EPRS1: variants seen among roughly 807,000 people sequenced by gnomAD.
EPRS1 encodes glutamyl-prolyl-tRNA synthetase 1, also known as bifunctional glutamate/proline--tRNA ligase.
In EPRS1, 107 loss-of-function variants were observed where a neutral mutation model predicts 188.3. The observed-to-expected ratio is 0.57, with a 90% CI of 0.49 to 0.67. The LOEUF is 0.67. Among genes scored for constraint, EPRS1 ranks in the 30% least tolerant of loss-of-function variants. The pLI is 0.00. For missense variants in EPRS1, 1,577 were observed against 1,802.2 expected, an observed-to-expected ratio of 0.88 and a Z score of 2.26; for synonymous variants, 596 against 593.1, an observed-to-expected ratio of 1.00 and a Z score of -0.07.
At chr1:219,982,530 A>G (rs1412210408) in intron 23 of EPRS1, 2 of 328,426 alleles carry the variant, frequency 6.1e-6, no homozygotes, top group Non-Finnish European at 1.1e-5. Context: ...AAAAATTTAC[A>G]GCATAAAAAT....
At chr1:220,001,799 C>A (rs778768354) in intron 16 of EPRS1, among the ~76,000 whole-genome samples, 4 of 152,118 alleles carry the variant, frequency 2.6e-5, no homozygotes, top group Non-Finnish European at 5.9e-5. Context: ...GAGGCCAAGG[C>A]GGGTGGATTG....
At chr1:219,970,357 G>C (rs978476913) in intron 30 of EPRS1, among the ~76,000 whole-genome samples, 24 of 152,172 alleles carry the variant, frequency 1.6e-4, no homozygotes, top group African/African-American at 4.8e-4. Context: ...GGCAGTAACA[G>C]CAACATGCTT....
intron 12 of EPRS1, among the ~76,000 whole-genome samples, chr1:220,015,379 C>T (rs1443577452): frequency 1.3e-5 from 2 of 152,140 alleles, no homozygotes; most frequent in African/African-American, 4.8e-5. Flanking sequence ...AATAGAATTG[C>T]TTGAACCCAG....
chr1:219,999,275 T>C (rs769607635), intron 17 of EPRS1, among the ~76,000 whole-genome samples: 1 of 151,928 alleles, frequency 6.6e-6, no homozygotes, highest in Non-Finnish European at 1.5e-5. Flanking sequence ...GACTGCAAAG[T>C]TGGGTATAAG....
At chr1:219,994,022 C>T (rs1287000155) in intron 18 of EPRS1, among the ~76,000 whole-genome samples, 1 of 152,186 alleles carries the variant, frequency 6.6e-6, no homozygotes, top group Non-Finnish European at 1.5e-5. Context: ...ACATTTACTA[C>T]TATTAGCATT....
chr1:220,032,693 C>T lies in EPRS1; in HGVS notation c.389-167G>A, dbSNP rs7531703. On this transcript the variant is annotated intron_variant, in intron 4 of 31. Coordinates refer to ENST00000366923, the MANE Select transcript of EPRS1 (RefSeq NM_004446.3). ...CTGAACTGTTTTCTAAAACAGTTAGCTCTCTGTGTCCATGGGTTCCATAAC... is the reference window on the plus strand; with the variant it reads ...CTGAACTGTTTTCTAAAACAGTTAGTTCTCTGTGTCCATGGGTTCCATAAC... Among the ~76,000 whole-genome samples, 812 of 152,220 alleles carry T rather than the reference C, an allele frequency of 5.3e-3. 7 individuals carry two copies. The highest frequency in any genetic ancestry group is 0.019 in the African/African-American group (788 of 41,528).
chr1:220,023,635 T>C (rs1181921262), intron 8 of EPRS1, among the ~76,000 whole-genome samples: 1 of 152,194 alleles, frequency 6.6e-6, no homozygotes, highest in Non-Finnish European at 1.5e-5. Context: ...TCATCAAACA[T>C]TGTATTATAG....
intron 5 of EPRS1, 30 bp downstream of exon 5, chr1:220,032,357 T>G: frequency 6.4e-7 from 1 of 1,565,676 alleles, no homozygotes; most frequent in Non-Finnish European, 8.6e-7. Context: ...AAGTGTTTTT[T>G]TTTTTAAAAA....
chr1:220,018,589 A>T, intron 11 of EPRS1, 81 bp from the exon 12 acceptor site: 3 of 695,824 alleles, frequency 4.3e-6, no homozygotes, highest in Non-Finnish European at 4.6e-6. Flanking sequence ...AAGCATGTTT[A>T]GAAAAAAAAA....
At chr1:220,007,396 T>C in intron 13 of EPRS1, 58 bp from the exon 14 acceptor site, 1 of 1,526,610 alleles carries the variant, frequency 6.6e-7, no homozygotes, top group Non-Finnish European at 8.9e-7. Flanking sequence ...GAACCCAGTA[T>C]GCAAATTTAT....
rs973550731 is a variant in EPRS1 at position 219,968,757 on chromosome 1, A to T, written c.*49T>A. On this transcript the variant is annotated 3_prime_UTR_variant, in exon 32 of 32. Transcript: ENST00000366923. Reference sequence around the variant, plus strand: ...CTGTATCTGAGAAGATACTAATATCAATGCTTTAAAAAGTGAGAGGAGTTG... The same window carrying T: ...CTGTATCTGAGAAGATACTAATATCTATGCTTTAAAAAGTGAGAGGAGTTG... The T allele has an allele frequency of 1.3e-6, 2 of 1,573,132 alleles. No homozygotes were observed. The highest frequency in any genetic ancestry group is 2.7e-5 in the African/African-American group (2 of 74,038).
intron 20 of EPRS1, among the ~76,000 whole-genome samples, chr1:219,985,438 G>C (rs887123740): frequency 6.6e-6 from 1 of 152,014 alleles, no homozygotes; most frequent in Admixed American, 6.6e-5. Flanking sequence ...CATCGCCCAG[G>C]CTGGAGTGCA....
At chr1:219,978,235 T>G (rs568682771) in intron 28 of EPRS1, among the ~76,000 whole-genome samples, 2 of 152,350 alleles carry the variant, frequency 1.3e-5, no homozygotes, top group East Asian at 3.9e-4. Flanking sequence ...ACTTATTTAT[T>G]TTATGAATTC....
At chr1:220,032,556 A>G in intron 4 of EPRS1, 30 bp from the exon 5 acceptor site, 1 of 1,608,738 alleles carries the variant, frequency 6.2e-7, no homozygotes, top group Admixed American at 1.7e-5. Context: ...TAAACTATTC[A>G]ATAAATCTGC....
Position 220,005,239 on chromosome 1 carries a change from T to C in EPRS1, c.2063+9A>G. 2 of 1,276,480 alleles carry C rather than the reference T, an allele frequency of 1.6e-6. No individual in the cohort carries two copies. The highest frequency in any genetic ancestry group is 2.2e-5 in the Admixed American group (1 of 46,020). The allele number at this position is 1,276,480 out of a possible 1,614,324, so 79.1% of individuals were successfully genotyped here. On this transcript the variant is annotated intron_variant, in intron 16 of 31. Coordinates refer to ENST00000366923, the MANE Select transcript of EPRS1 (RefSeq NM_004446.3). ...ATTTTCATTTAGACGTTCAGTTACA[T>C]TTACTTACCTAACAGGTTCATAAGG...
At chr1:219,996,686 G>C (rs1474856804) in intron 18 of EPRS1, among the ~76,000 whole-genome samples, 1 of 152,060 alleles carries the variant, frequency 6.6e-6, no homozygotes, top group Non-Finnish European at 1.5e-5. Flanking sequence ...CACCTTTGTT[G>C]CCACTTAAGA....
chr1:220,043,902 G>A (rs1283520454), intron 1 of EPRS1, among the ~76,000 whole-genome samples: 1 of 152,180 alleles, frequency 6.6e-6, no homozygotes, highest in Admixed American at 6.5e-5. Flanking sequence ...CAACACTATG[G>A]AGGGTCTGGT....
chr1:220,040,593 A>C (rs936396133), intron 1 of EPRS1, among the ~76,000 whole-genome samples: 1 of 152,196 alleles, frequency 6.6e-6, no homozygotes, highest in South Asian at 2.1e-4. Context: ...GCTCATGCCT[A>C]TAATCCCAGC....
chr1:220,015,965 C>G (rs1286719897), intron 12 of EPRS1, among the ~76,000 whole-genome samples: 1 of 151,888 alleles, frequency 6.6e-6, no homozygotes, highest in African/African-American at 2.4e-5. Context: ...GCACAGAAGG[C>G]TCTGGCAAAT....
Sources: gnomAD v4.1 joint callset for allele counts (sites outside exome capture counted in the v4.1 genomes callset) on GRCh38, gnomAD v4.1.1 for gene constraint, MANE v1.5 for transcripts, NCBI Gene and HGNC (gene_info 2026-07-23, HGNC 2026-07-21) for gene names.